BLTP3A: variants seen among roughly 807,000 people sequenced by gnomAD.
BLTP3A encodes bridge-like lipid transfer protein family member 3A, also known as ICBP90 binding protein 1.
the BLTP3A span, among the ~76,000 whole-genome samples, chr6:34,864,892 G>C: frequency 1.3e-5 from 2 of 151,970 alleles, no homozygotes; most frequent in Admixed American, 1.3e-4. Flanking sequence ...TGTTTGAACC[G>C]GGGAGGTGGA....
chr6:34,835,980 A>T, the BLTP3A span, among the ~76,000 whole-genome samples: 3 of 152,070 alleles, frequency 2.0e-5, no homozygotes, highest in Non-Finnish European at 4.4e-5. Context: ...AGGCTTTTGG[A>T]GTTTGGGTTA....
chr6:34,837,077 A>G, the BLTP3A span, among the ~76,000 whole-genome samples: 1 of 152,234 alleles, frequency 6.6e-6, no homozygotes, highest in Non-Finnish European at 1.5e-5. Context: ...ATTATAGGCT[A>G]ATATTAAGTT....
the BLTP3A span, among the ~76,000 whole-genome samples, chr6:34,824,856 A>C: frequency 7.7e-3 from 1,168 of 151,966 alleles, 16 homozygotes; most frequent in African/African-American, 0.024. Flanking sequence ...TTTTTAATAG[A>C]GATGGGATTT....
chr6:34,834,623 TG>T, the BLTP3A span: 1 of 1,483,030 alleles, frequency 6.7e-7, no homozygotes, highest in Non-Finnish European at 9.2e-7. Flanking sequence ...CTGAGAGTGC[TG>T]GGAGTCTCTG....
At chr6:34,822,208 T>G in the BLTP3A span, among the ~76,000 whole-genome samples, 5 of 152,112 alleles carry the variant, frequency 3.3e-5, no homozygotes, top group East Asian at 5.8e-4. Context: ...GTAACAATTA[T>G]GGCTGCCTAG....
At chr6:34,795,643 C>T in the BLTP3A span, among the ~76,000 whole-genome samples, 9,518 of 144,854 alleles carry the variant, frequency 0.066, 516 homozygotes, top group East Asian at 0.34. Flanking sequence ...CCTCGTGATC[C>T]GCCTGCCTCA....
At chr6:34,860,456 A>T in the BLTP3A span, among the ~76,000 whole-genome samples, 2 of 152,226 alleles carry the variant, frequency 1.3e-5, no homozygotes, top group Non-Finnish European at 2.9e-5. Flanking sequence ...TAAGTGAATT[A>T]TCTTAAGTGG....
chr6:34,863,901 T>C, the BLTP3A span: 3 of 1,179,536 alleles, frequency 2.5e-6, no homozygotes. Flanking sequence ...TTGGGAACTT[T>C]ATCCAGTTGT....
chr6:34,869,640 CTTTTTTTTTTT>C, the BLTP3A span, among the ~76,000 whole-genome samples: 158 of 81,514 alleles, frequency 1.9e-3, 2 homozygotes, highest in Middle Eastern at 0.044. Flanking sequence ...ACATACACCA[CTTTTTTTTTTT>C]TTTTTTTTTT....
the BLTP3A span, chr6:34,874,849 C>CTTAT: frequency 1.3e-5 from 2 of 152,176 alleles, no homozygotes; most frequent in Non-Finnish European, 2.9e-5. Context: ...TTCTAGTGAC[C>CTTAT]TTATTTACAA....
At chr6:34,856,013 T>C in the BLTP3A span, 3 of 874,000 alleles carry the variant, frequency 3.4e-6, no homozygotes, top group Non-Finnish European at 4.1e-6. Flanking sequence ...CATAGTCAAA[T>C]ATGGCAGCAG....
the BLTP3A span, among the ~76,000 whole-genome samples, chr6:34,865,674 A>G: frequency 1.3e-5 from 2 of 152,170 alleles, no homozygotes; most frequent in Non-Finnish European, 2.9e-5. Flanking sequence ...CCTTTTCTCT[A>G]CATCCTTGCC....
the BLTP3A span, among the ~76,000 whole-genome samples, chr6:34,854,278 G>T: frequency 6.6e-6 from 1 of 151,694 alleles, no homozygotes; most frequent in African/African-American, 2.4e-5. Flanking sequence ...AAAAAAAATT[G>T]GAATATTTAA....
At chr6:34,855,635 T>TCA in the BLTP3A span, 1 of 1,613,724 alleles carries the variant, frequency 6.2e-7, no homozygotes, top group Non-Finnish European at 8.5e-7. Context: ...GCCAACAGAC[T>TCA]CATGGGTGGT....
chr6:34,875,380 C>G, the BLTP3A span: 1 of 152,154 alleles, frequency 6.6e-6, no homozygotes, highest in Non-Finnish European at 1.5e-5. Context: ...AATTATTCCA[C>G]GTTAGGCTCA....
chr6:34,849,205 G>C, the BLTP3A span, among the ~76,000 whole-genome samples: 1 of 151,976 alleles, frequency 6.6e-6, no homozygotes, highest in Non-Finnish European at 1.5e-5. Flanking sequence ...CGCCATGTTG[G>C]CCAGGCTGGT....
chr6:34,832,859 T>C, the BLTP3A span, among the ~76,000 whole-genome samples: 2 of 152,246 alleles, frequency 1.3e-5, no homozygotes, highest in African/African-American at 2.4e-5. Context: ...TGAAGTTCTT[T>C]ATACATTAGG....
the BLTP3A span, among the ~76,000 whole-genome samples, chr6:34,808,048 A>G: frequency 2.0e-5 from 3 of 150,640 alleles, no homozygotes; most frequent in African/African-American, 7.3e-5. Context: ...TAATAATAAG[A>G]ATAGAAATCA....
At chr6:34,859,330 T>A in the BLTP3A span, 13 of 1,613,754 alleles carry the variant, frequency 8.1e-6, no homozygotes, top group Non-Finnish European at 1.0e-5. Flanking sequence ...ACCAGCTGCA[T>A]TGAAGCCCCC....
Sources: allele counts gnomAD v4.1 joint callset (sites outside exome capture counted in the v4.1 genomes callset), GRCh38; gene constraint gnomAD v4.1.1; transcripts MANE v1.5; gene names NCBI Gene and HGNC (gene_info 2026-07-23, HGNC 2026-07-21).